Variants in PNPLA1 observed in about 807,000 individuals in gnomAD.
The protein encoded by PNPLA1 is omega-hydroxyceramide transacylase.
PNPLA1 carries 36 observed loss-of-function variants against 51.7 expected under a neutral mutation model. The ratio of observed to expected loss-of-function variants is 0.70; its 90% CI spans 0.53 to 0.92. PNPLA1 has a LOEUF of 0.92. Among genes scored for constraint, PNPLA1 ranks in the 40% least tolerant of loss-of-function variants. The probability of loss-of-function intolerance (pLI) is 0.00; values close to 1 mark genes in which losing one functional copy is unlikely to be tolerated. For missense variants in PNPLA1, 658 were observed against 682.5 expected, an observed-to-expected ratio of 0.96 and a Z score of 0.40; for synonymous variants, 293 against 280.1, an observed-to-expected ratio of 1.05 and a Z score of -0.46.
chr6:36,269,487 G>T (rs746382017), upstream of PNPLA1, among the ~76,000 whole-genome samples: 2 of 152,160 alleles, frequency 1.3e-5, no homozygotes, highest in Non-Finnish European at 2.9e-5. Flanking sequence ...CCTCCTTGGG[G>T]TTAAACATTG....
chr6:36,302,702 G>T (rs891333593), intron 6 of PNPLA1, among the ~76,000 whole-genome samples: 1 of 152,206 alleles, frequency 6.6e-6, no homozygotes, highest in Non-Finnish European at 1.5e-5. Context: ...CCTACCGGCA[G>T]CAAAAGCATC....
intron 1 of PNPLA1, among the ~76,000 whole-genome samples, chr6:36,282,179 GAGAA>G (rs1360346303): frequency 3.2e-5 from 3 of 93,638 alleles, no homozygotes; most frequent in Non-Finnish European, 6.1e-5. Flanking sequence ...AAGAGACAGA[GAGAA>G]AGAAAGAAAG....
At chr6:36,293,236 C>G (rs1429739201) in intron 3 of PNPLA1, 110 bp downstream of exon 3, 5 of 1,098,864 alleles carry the variant, frequency 4.6e-6, no homozygotes, top group East Asian at 4.8e-5. Flanking sequence ...GCGGGAGGAC[C>G]TAGAGTTGGA....
chr6:36,282,089 G>GAAAGAAAGAAAGAAAGAAAGAA (rs59827619), intron 1 of PNPLA1, among the ~76,000 whole-genome samples: 1 of 66,842 alleles, frequency 1.5e-5, no homozygotes, highest in African/African-American at 5.5e-5. Context: ...AAGAAAGAAA[G>GAAAGAAAGAAAGAAAGAAAGAA]AAGGAAGGAA....
At chr6:36,282,159 G>T in intron 1 of PNPLA1, among the ~76,000 whole-genome samples, 1 of 123,116 alleles carries the variant, frequency 8.1e-6, no homozygotes, top group South Asian at 2.6e-4. Flanking sequence ...GAGAGAGAGA[G>T]AAAGAAAGAA....
chr6:36,281,600 G>A (rs1770284166), intron 1 of PNPLA1, among the ~76,000 whole-genome samples: 1 of 152,124 alleles, frequency 6.6e-6, no homozygotes, highest in African/African-American at 2.4e-5. Flanking sequence ...GCCAAGACTG[G>A]GATTTCTCTA....
At chr6:36,254,585 A>AC (rs1016083762) in intron 1 of PNPLA1, among the ~76,000 whole-genome samples, 7 of 151,840 alleles carry the variant, frequency 4.6e-5, no homozygotes, top group African/African-American at 7.3e-5. Flanking sequence ...AAACAAACAA[A>AC]AAAAAAAACA....
intron 1 of PNPLA1, among the ~76,000 whole-genome samples, chr6:36,248,574 T>G (rs1269582865): frequency 2.0e-5 from 3 of 150,884 alleles, no homozygotes; most frequent in Non-Finnish European, 4.4e-5. Context: ...CAGGCTGGAG[T>G]GCAGTGGCAC....
At chr6:36,309,454 C>T (rs1360066127) in intron 8 of PNPLA1, among the ~76,000 whole-genome samples, 1 of 152,114 alleles carries the variant, frequency 6.6e-6, no homozygotes, top group East Asian at 1.9e-4. Context: ...TGTGGGGAGC[C>T]TCCCTGGGAC....
At chr6:36,245,810 T>C (rs1415561435) in intron 1 of PNPLA1, among the ~76,000 whole-genome samples, 2 of 152,226 alleles carry the variant, frequency 1.3e-5, no homozygotes, top group Non-Finnish European at 2.9e-5. Context: ...TGATTTGGCC[T>C]TGGCCTCATT....
intron 2 of PNPLA1, 34 bp downstream of exon 2, chr6:36,291,586 A>AG: frequency 4.9e-4 from 21 of 42,828 alleles, no homozygotes; most frequent in Admixed American, 2.2e-3. Context: ...AGGGACACGG[A>AG]GGGGGCGGGG....
intron 1 of PNPLA1, among the ~76,000 whole-genome samples, chr6:36,248,402 A>T (rs954493227): frequency 6.6e-6 from 1 of 152,182 alleles, no homozygotes; most frequent in Non-Finnish European, 1.5e-5. Context: ...AGACACAAGG[A>T]AATTGCGTAA....
intron 6 of PNPLA1, among the ~76,000 whole-genome samples, chr6:36,304,394 G>A (rs1771168133): frequency 6.6e-6 from 1 of 152,120 alleles, no homozygotes. Context: ...GAGAGGCAGA[G>A]GCAGGCAAGT....
At chr6:36,305,903 A>G (rs531185873) in intron 6 of PNPLA1, among the ~76,000 whole-genome samples, 1 of 151,158 alleles carries the variant, frequency 6.6e-6, no homozygotes, top group African/African-American at 2.4e-5. Flanking sequence ...ACAGGCATGC[A>G]CTACAACACC....
intron 1 of PNPLA1, among the ~76,000 whole-genome samples, chr6:36,271,824 G>A (rs895509285): frequency 3.9e-5 from 6 of 152,222 alleles, no homozygotes; most frequent in African/African-American, 1.2e-4. Context: ...ACAGACGGCT[G>A]TGACAGCAAG....
Position 36,301,900 on chromosome 6 carries a change from T to C in PNPLA1, c.815T>C (p.Phe272Ser). 6.2e-7 allele frequency: 1 copy of C among 1,614,164 alleles called. No individual in the cohort carries two copies. Among genetic ancestry groups the C allele is most frequent in the South Asian group, 1.1e-5 (1 of 91,086 alleles). ...YLNSSSKRVIFPRVEVYCQIE... is the reference protein window; with the variant it reads ...YLNSSSKRVISPRVEVYCQIE... ...AATTCTTCCTCCAAGAGAGTGATTT[T>C]CCCCCGGGTGGAAGTGTACTGCCAG... The change falls in exon 6 of 9, where the codon TTC (phenylalanine) becomes TCC (serine). Residue 272 changes from phenylalanine (F) to serine (S), a missense_variant. Transcript: ENST00000636260.
At chr6:36,308,057 A>G in intron 8 of PNPLA1, 1 of 171,184 alleles carries the variant, frequency 5.8e-6, no homozygotes, top group Non-Finnish European at 1.3e-5. Context: ...TTTACATATT[A>G]TGTTTGTATT....
chr6:36,283,472 A>G (rs1770382231), intron 1 of PNPLA1, among the ~76,000 whole-genome samples: 1 of 152,132 alleles, frequency 6.6e-6, no homozygotes, highest in Middle Eastern at 3.2e-3. Flanking sequence ...TGGGTAACCC[A>G]ACTCTGTCCT....
In PNPLA1 at chr6:36,281,179, A is replaced by G. The variant is rs563604172; in HGVS notation, c.206-10141A>G. Reference sequence around the variant, plus strand: ...AAGTCTCTCCAGTGTTCCTTAATACATGAATGAGAACCTCCATTTTTTCCT... The same window carrying G: ...AAGTCTCTCCAGTGTTCCTTAATACGTGAATGAGAACCTCCATTTTTTCCT... On this transcript the variant is annotated intron_variant, in intron 1 of 8. Coordinates refer to ENST00000636260, the MANE Select transcript of PNPLA1 (RefSeq NM_001374623.1). Among the ~76,000 whole-genome samples, 8 of 152,274 alleles carry G rather than the reference A, an allele frequency of 5.3e-5. No individual in the cohort carries two copies. The East Asian group carries it at 1.5e-3, about 29-fold the overall frequency.
Sources: allele counts gnomAD v4.1 joint callset (sites outside exome capture counted in the v4.1 genomes callset), GRCh38; gene constraint gnomAD v4.1.1; transcripts MANE v1.5; gene names NCBI Gene and HGNC (gene_info 2026-07-23, HGNC 2026-07-21).